RYR3: variants seen among roughly 807,000 people sequenced by gnomAD.
RYR3 encodes the protein ryanodine receptor 3, also known as brain ryanodine receptor-calcium release channel.
A neutral mutation model predicts 584.3 loss-of-function variants in RYR3; 207 were observed. The ratio of observed to expected loss-of-function variants is 0.35; its 90% confidence interval spans 0.32 to 0.40. The LOEUF is 0.40. Among genes scored for constraint, RYR3 ranks in the 10% least tolerant of loss-of-function variants. The probability of loss-of-function intolerance (pLI) is 1.00; values close to 1 mark genes in which losing one functional copy is unlikely to be tolerated. For missense variants in RYR3, 5,616 were observed against 6,089.2 expected (o/e 0.92, Z 2.59); for synonymous variants, 2,416 against 2,248.5 (o/e 1.07, Z -2.11).
intron 1 of RYR3, among the ~76,000 whole-genome samples, chr15:33,417,192 G>T (rs1463118325): frequency 6.6e-6 from 1 of 152,026 alleles, no homozygotes; most frequent in African/African-American, 2.4e-5. Context: ...GGTTTCATAT[G>T]AATTTTAGGA....
chr15:33,561,754 G>T (rs1260453222), intron 10 of RYR3, among the ~76,000 whole-genome samples: 2 of 151,800 alleles, frequency 1.3e-5, no homozygotes, highest in Non-Finnish European at 1.5e-5. Flanking sequence ...CAAAAGATTA[G>T]CCAGGTGCAG....
At chr15:33,717,784 A>T (rs927159595) in intron 43 of RYR3, among the ~76,000 whole-genome samples, 2 of 152,198 alleles carry the variant, frequency 1.3e-5, no homozygotes, top group South Asian at 2.1e-4. Flanking sequence ...CTGGAGTTCA[A>T]GCTTGACTGT....
intron 1 of RYR3, among the ~76,000 whole-genome samples, chr15:33,401,653 T>C (rs2042679184): frequency 6.6e-6 from 1 of 152,148 alleles, no homozygotes; most frequent in South Asian, 2.1e-4. Flanking sequence ...GGAAAAAGGA[T>C]ATGTCACCTT....
chr15:33,643,592 T>C (rs1373561925), intron 27 of RYR3, among the ~76,000 whole-genome samples: 7 of 151,722 alleles, frequency 4.6e-5, no homozygotes, highest in Admixed American at 3.9e-4. Flanking sequence ...TGTTTGTAAA[T>C]TGTATTTTGT....
chr15:33,664,902 A>G (rs942343101), intron 36 of RYR3, among the ~76,000 whole-genome samples: 1 of 152,132 alleles, frequency 6.6e-6, no homozygotes, highest in Admixed American at 6.5e-5. Flanking sequence ...AATGAATGAC[A>G]TATCTTGGCT....
At chr15:33,486,386 G>GA (rs2050425382) in intron 2 of RYR3, among the ~76,000 whole-genome samples, 1 of 152,076 alleles carries the variant, frequency 6.6e-6, no homozygotes, top group Admixed American at 6.6e-5. Context: ...TCTTTACGTG[G>GA]CTTTTTTCTC....
intron 74 of RYR3, chr15:33,815,704 C>A: frequency 2.5e-6 from 1 of 392,402 alleles, no homozygotes. Context: ...GAGACAACTT[C>A]TCTTCTCCAC....
Position 33,387,637 on chromosome 15 carries a change from T to G in RYR3, c.51+76541T>G, listed in dbSNP as rs116623414. On this transcript the variant is annotated intron_variant, in intron 1 of 103. Coordinates refer to ENST00000634891, the MANE Select transcript of RYR3 (RefSeq NM_001036.6). ...GAAAAATGAAGAAAAGAACACAAGA[T>G]GAATAGGCAGGAAAAATGACCTCAC... is the stretch of plus-strand genomic sequence containing the variant. 3.2e-3 allele frequency among the ~76,000 whole-genome samples: 456 copies of G among 144,138 alleles called. 3 individuals carry two copies. Among genetic ancestry groups the G allele is most frequent in the African/African-American group, 0.011 (433 of 38,754 alleles). 94.6% of individuals were successfully genotyped at this position (144,138 alleles called of 152,430 possible). A position where few individuals can be genotyped will look rare whatever the true frequency, so the allele number is the denominator to read the frequency against.
chr15:33,783,134 G>T (rs923704656), intron 65 of RYR3, among the ~76,000 whole-genome samples: 1 of 152,144 alleles, frequency 6.6e-6, no homozygotes, highest in Non-Finnish European at 1.5e-5. Context: ...ATTCTAACGC[G>T]CATCAGAATC....
chr15:33,755,263 A>C (rs1463043329), intron 58 of RYR3, 83 bp downstream of exon 58: 9 of 879,458 alleles, frequency 1.0e-5, no homozygotes, highest in Non-Finnish European at 1.3e-5. Flanking sequence ...ACTTTTTATG[A>C]TTCATTTAGG....
chr15:33,604,884 G>A (rs191119806), intron 18 of RYR3, among the ~76,000 whole-genome samples: 8 of 152,168 alleles, frequency 5.3e-5, no homozygotes, highest in East Asian at 1.9e-4. Context: ...GCACCTTTGC[G>A]GCTCCTGAGT....
At chr15:33,430,147 CCACT>C (rs1255420539) in intron 1 of RYR3, among the ~76,000 whole-genome samples, 5 of 152,208 alleles carry the variant, frequency 3.3e-5, no homozygotes, top group African/African-American at 1.2e-4. Flanking sequence ...CAAATTGGGT[CCACT>C]CACCCAGTGC....
chr15:33,820,507 G>T (rs1288481674), intron 77 of RYR3, among the ~76,000 whole-genome samples: 1 of 152,164 alleles, frequency 6.6e-6, no homozygotes, highest in Admixed American at 6.5e-5. Context: ...AACCAGCTAG[G>T]TCACCATTGA....
chr15:33,775,258 C>T (rs2073917818), intron 64 of RYR3, among the ~76,000 whole-genome samples: 1 of 151,872 alleles, frequency 6.6e-6, no homozygotes, highest in Admixed American at 6.6e-5. Flanking sequence ...TATTTTTTTT[C>T]CTAAATATTT....
At chr15:33,648,426 G>A (rs533469889) in intron 30 of RYR3, among the ~76,000 whole-genome samples, 1 of 152,304 alleles carries the variant, frequency 6.6e-6, no homozygotes, top group South Asian at 2.1e-4. Flanking sequence ...CTGCCTCAGA[G>A]CTGTAGCTAT....
At chr15:33,776,690 A>G (rs1190445312) in intron 64 of RYR3, among the ~76,000 whole-genome samples, 1 of 152,186 alleles carries the variant, frequency 6.6e-6, no homozygotes, top group Non-Finnish European at 1.5e-5. Flanking sequence ...TCCTCTCTTT[A>G]GTACCCTCTG....
intron 68 of RYR3, among the ~76,000 whole-genome samples, chr15:33,801,466 G>A (rs1333256590): frequency 6.6e-6 from 1 of 152,200 alleles, no homozygotes; most frequent in Non-Finnish European, 1.5e-5. Flanking sequence ...TTTCCCCACA[G>A]CAGAGACAGC....
At chr15:33,725,302 A>G (rs2068300927) in intron 45 of RYR3, among the ~76,000 whole-genome samples, 1 of 152,018 alleles carries the variant, frequency 6.6e-6, no homozygotes, top group Admixed American at 6.6e-5. Context: ...CTACCCTTGG[A>G]GATGGAGGCG....
rs1208952018 is a variant in RYR3, at chr15:33,696,251, T to C, written c.5894T>C (p.Ile1965Thr). Reference protein sequence around the residue: ...TLKELISQTMICWAQEDQIQD... With the variant: ...TLKELISQTMTCWAQEDQIQD... ...AAGGAACTCATCTCACAGACGATGA[T>C]CTGCTGGGCCCAGGAGGACCAGATC... The change falls in exon 39 of 104, where the codon ATC becomes ACC. Residue 1965 changes from isoleucine (I) to threonine (T), a missense_variant. Coordinates refer to ENST00000634891, the MANE Select transcript of RYR3 (RefSeq NM_001036.6). The C allele has an allele frequency of 1.2e-6, 2 of 1,613,540 alleles. No individual in the cohort carries two copies. The highest frequency in any genetic ancestry group is 1.3e-5 in the African/African-American group (1 of 74,828).
Sources: allele counts gnomAD v4.1 joint callset (sites outside exome capture counted in the v4.1 genomes callset), GRCh38; gene constraint gnomAD v4.1.1; transcripts MANE v1.5; gene names NCBI Gene and HGNC (gene_info 2026-07-23, HGNC 2026-07-21).